Variants in BMPR2 observed in about 807,000 individuals in gnomAD.
The protein encoded by BMPR2 is bone morphogenetic protein receptor type 2.
In BMPR2, 29 loss-of-function variants were observed where a neutral mutation model predicts 100.8. The ratio of observed to expected loss-of-function variants is 0.29; its 90% CI spans 0.21 to 0.39. The LOEUF is 0.39. BMPR2 is among the 10% of genes least tolerant of loss of function. BMPR2 has a pLI of 1.00. For missense variants in BMPR2, 1,011 were observed against 1,274.5 expected (o/e 0.79, Z 3.15); for synonymous variants, 382 against 442.3 (o/e 0.86, Z 1.71).
At chr2:202,469,009 TTTTG>T (rs781178646) in intron 3 of BMPR2, among the ~76,000 whole-genome samples, 15 of 151,466 alleles carry the variant, frequency 9.9e-5, no homozygotes, top group Non-Finnish European at 1.8e-4. Context: ...TTTTTTTGGT[TTTTG>T]TTTATTTTTT....
chr2:202,525,214 T>C (rs1257777830), intron 7 of BMPR2, among the ~76,000 whole-genome samples: 3 of 152,042 alleles, frequency 2.0e-5, no homozygotes, highest in African/African-American at 7.2e-5. Context: ...TTGTTGTTGT[T>C]GTTTTTTGTT....
At chr2:202,496,917 C>T (rs1046750757) in intron 3 of BMPR2, among the ~76,000 whole-genome samples, 6 of 152,234 alleles carry the variant, frequency 3.9e-5, no homozygotes, top group Admixed American at 6.5e-5. Context: ...GAGGGAGAGG[C>T]GCGAGCAGGA....
intron 1 of BMPR2, among the ~76,000 whole-genome samples, chr2:202,461,650 G>T (rs1453817557): frequency 1.3e-5 from 2 of 152,036 alleles, no homozygotes; most frequent in Non-Finnish European, 2.9e-5. Context: ...AAACAGTTTT[G>T]AACAAAAATG....
At chr2:202,519,220 G>A (rs913045278) in intron 6 of BMPR2, among the ~76,000 whole-genome samples, 168 bp downstream of exon 6, 3 of 152,108 alleles carry the variant, frequency 2.0e-5, no homozygotes, top group African/African-American at 4.8e-5. Flanking sequence ...AAAATTAGCC[G>A]GGTATGATGG....
intron 1 of BMPR2, among the ~76,000 whole-genome samples, chr2:202,438,967 A>G (rs1216663120): frequency 6.6e-6 from 1 of 150,614 alleles, no homozygotes; most frequent in Non-Finnish European, 1.5e-5. Flanking sequence ...TTGCATTTCC[A>G]TATAAAGCAG....
chr2:202,468,977 G>A (rs1302946766), intron 3 of BMPR2, among the ~76,000 whole-genome samples: 2 of 152,220 alleles, frequency 1.3e-5, no homozygotes, highest in East Asian at 1.9e-4. Context: ...GGAAGGGAGT[G>A]AATGTTCTCT....
rs1213467118 is a variant in BMPR2, at chr2:202,513,842, A to AT, written c.529+19dup. 2 of 1,567,876 alleles carry AT rather than the reference A, an allele frequency of 1.3e-6. No individual in the cohort carries two copies. The highest frequency in any genetic ancestry group is 1.1e-5 in the South Asian group (1 of 89,864). On this transcript the variant is annotated intron_variant, in intron 4 of 12. Transcript: ENST00000374580. Reference sequence around the variant, plus strand: ...AGAATGTTGACAGGTAAAAATTACCATTTTTTGTCCTATTGTTTATTAAAC... The same window carrying AT: ...AGAATGTTGACAGGTAAAAATTACCATTTTTTTGTCCTATTGTTTATTAAAC...
chr2:202,546,162 A>G (rs1688371305), intron 10 of BMPR2, among the ~76,000 whole-genome samples: 1 of 152,192 alleles, frequency 6.6e-6, no homozygotes, highest in Non-Finnish European at 1.5e-5. Flanking sequence ...ATTTAAATCT[A>G]ATGTGCTACA....
chr2:202,467,050 C>T, intron 2 of BMPR2: 1 of 208,160 alleles, frequency 4.8e-6, no homozygotes, highest in Non-Finnish European at 9.7e-6. Context: ...CACCTGAGCT[C>T]AGGAGTTTGA....
intron 3 of BMPR2, among the ~76,000 whole-genome samples, chr2:202,486,920 C>G (rs1212753952): frequency 6.6e-6 from 1 of 152,144 alleles, no homozygotes; most frequent in Non-Finnish European, 1.5e-5. Flanking sequence ...GTGCCAGCCA[C>G]TCAGGAGTCT....
chr2:202,442,001 C>T (rs1055717828), intron 1 of BMPR2, among the ~76,000 whole-genome samples: 3 of 149,926 alleles, frequency 2.0e-5, no homozygotes, highest in African/African-American at 7.6e-5. Context: ...CCATTGCACT[C>T]CAGCCTGGGG....
rs530106886 is a variant in BMPR2 at position 202,515,049 on chromosome 2, C to T, written c.621+70C>T. 4 of 1,392,210 alleles carry T rather than the reference C, an allele frequency of 2.9e-6. No individual in the cohort carries two copies. In the African/African-American group the frequency reaches 5.7e-5, roughly 20 times the overall value. 86.2% of individuals were successfully genotyped at this position (1,392,210 alleles called of 1,614,324 possible). A position where few individuals can be genotyped will look rare whatever the true frequency, so the allele number is the denominator to read the frequency against. On this transcript the variant is annotated intron_variant, in intron 5 of 12. Coordinates refer to ENST00000374580, the MANE Select transcript of BMPR2 (RefSeq NM_001204.7). ...CTAGACCTGGAACAGTGACTTCATTCAATCATTAAGACATTCATTCATTTA... is the reference window on the plus strand; with the variant it reads ...CTAGACCTGGAACAGTGACTTCATTTAATCATTAAGACATTCATTCATTTA...
intron 3 of BMPR2, among the ~76,000 whole-genome samples, chr2:202,496,713 A>G (rs1693037360): frequency 6.6e-6 from 1 of 152,228 alleles, no homozygotes. Context: ...GGGAAAAAAT[A>G]ATGTTCAGAA....
rs767166903 is a variant in BMPR2 at position 202,377,505 on chromosome 2, G to T, written c.31G>T (p.Val11Leu). The change falls in exon 1 of 13, where the codon GTG (valine) becomes TTG (leucine). Residue 11 changes from valine to leucine, a missense_variant. Around this residue, in one of 6 missense-constraint regions of BMPR2, gnomAD observed 355 missense variants for 455.3 expected, o/e 0.78. Coordinates refer to ENST00000374580, the MANE Select transcript of BMPR2 (RefSeq NM_001204.7). MTSSLQRPWR[V>L]PWLPWTILLV... is the part of the protein sequence containing the mutation. The stretch of plus-strand genomic sequence containing the variant: ...TTCCTCGCTGCAGCGGCCCTGGCGG[G>T]TGCCCTGGCTACCATGGACCATCCT... The T allele has an allele frequency of 6.2e-7, 1 of 1,614,134 alleles. No individual in the cohort carries two copies. The highest frequency in any genetic ancestry group is 8.5e-7 in the Non-Finnish European group (1 of 1,180,048).
chr2:202,431,731 A>C lies in BMPR2; in HGVS notation c.77-33078A>C, dbSNP rs1210533000. The stretch of plus-strand genomic sequence containing the variant: ...CTAGGAGCAATAGACTTTATAACCT[A>C]GGTGTGTAGTAGGCTATACCATGTA... On this transcript the variant is annotated intron_variant, in intron 1 of 12. Coordinates refer to ENST00000374580, the MANE Select transcript of BMPR2 (RefSeq NM_001204.7). 2.7e-5 allele frequency among the ~76,000 whole-genome samples: 4 copies of C among 150,456 alleles called. 1 individual carries two copies. The highest frequency in any genetic ancestry group is 1.0e-4 in the African/African-American group (4 of 39,812).
intron 3 of BMPR2, among the ~76,000 whole-genome samples, chr2:202,498,385 G>A (rs1387121945): frequency 6.6e-6 from 1 of 152,160 alleles, no homozygotes; most frequent in Non-Finnish European, 1.5e-5. Context: ...CAACTATTCC[G>A]ATCAGCAGGG....
At chr2:202,414,375 A>G (rs964758862) in intron 1 of BMPR2, among the ~76,000 whole-genome samples, 1 of 152,206 alleles carries the variant, frequency 6.6e-6, no homozygotes, top group Non-Finnish European at 1.5e-5. Context: ...CTGAGACACA[A>G]ATATTGAATT....
chr2:202,513,616 T>C (rs1687660892), intron 3 of BMPR2, 103 bp from the exon 4 acceptor site: 1 of 744,888 alleles, frequency 1.3e-6, no homozygotes, highest in African/African-American at 1.8e-5. Flanking sequence ...ACATTACTAA[T>C]TTGATTATAC....
At chr2:202,496,489 A>C (rs1001560621) in intron 3 of BMPR2, among the ~76,000 whole-genome samples, 1 of 149,174 alleles carries the variant, frequency 6.7e-6, no homozygotes, top group Admixed American at 6.7e-5. Flanking sequence ...AAACAAAAAC[A>C]AAAAAAAATC....
Sources: allele counts gnomAD v4.1 joint callset (sites outside exome capture counted in the v4.1 genomes callset), GRCh38; gene constraint gnomAD v4.1.1; regional missense constraint gnomAD v4.1.1; transcripts MANE v1.5; gene names NCBI Gene and HGNC (gene_info 2026-07-23, HGNC 2026-07-21).